Variants in ZYG11B observed in about 807,000 individuals in gnomAD.
The protein encoded by ZYG11B is zyg-11 family member B, cell cycle regulator, also known as protein zyg-11 homolog B.
A neutral mutation model predicts 82.4 loss-of-function variants in ZYG11B; 36 were observed. The observed-to-expected ratio is 0.44, with a 90% CI of 0.33 to 0.58. The LOEUF (loss-of-function observed/expected upper bound fraction) is 0.58, where lower values mean the gene tolerates loss of function less well. Among genes scored for constraint, ZYG11B ranks in the 20% least tolerant of loss-of-function variants. The pLI is 0.02. For synonymous variants in ZYG11B, 303 were observed against 312.8 expected (o/e 0.97, Z 0.33); for missense variants, 552 against 895.6 (o/e 0.62, Z 4.90).
At chr1:52,767,242 ATGT>A (rs1217060422) in intron 2 of ZYG11B, among the ~76,000 whole-genome samples, 8 of 147,222 alleles carry the variant, frequency 5.4e-5, no homozygotes, top group South Asian at 4.3e-4. Flanking sequence ...ATTTTATTTT[ATGT>A]TGTTATTTTA....
chr1:52,792,232 T>A (rs1019261003), intron 6 of ZYG11B, among the ~76,000 whole-genome samples: 9 of 152,116 alleles, frequency 5.9e-5, no homozygotes, highest in Non-Finnish European at 8.8e-5. Context: ...GATGGATGAA[T>A]GAATGAATGA....
At position 52,746,703 on chromosome 1, in the gene ZYG11B, T is replaced by G. The variant is rs1644480363; in HGVS notation, c.31-9755T>G. ...TCGGCCACTGTTTTTTTTTTTTTTT[T>G]TTTTTTTTTTTGCGGCTGGAATTGT... On this transcript the variant is annotated intron_variant, in intron 1 of 13. Transcript: ENST00000294353. Among the ~76,000 whole-genome samples the G allele has an allele frequency of 8.4e-5, 12 of 143,274 alleles. 2 individuals carry two copies. Among genetic ancestry groups the G allele is most frequent in the Admixed American group, 7.3e-4 (10 of 13,726 alleles). 94.0% of individuals were successfully genotyped at this position (143,274 alleles called of 152,430 possible).
At chr1:52,815,891 C>G (rs1027133921) in intron 12 of ZYG11B, among the ~76,000 whole-genome samples, 1 of 152,018 alleles carries the variant, frequency 6.6e-6, no homozygotes, top group African/African-American at 2.4e-5. Context: ...GCTGAGATCG[C>G]GCCACTGCAC....
chr1:52,740,556 T>C (rs886773221), intron 1 of ZYG11B, among the ~76,000 whole-genome samples: 1 of 150,362 alleles, frequency 6.7e-6, no homozygotes, highest in Non-Finnish European at 1.5e-5. Context: ...ATGCCCTTGG[T>C]ACTACCTTCT....
intron 10 of ZYG11B, among the ~76,000 whole-genome samples, chr1:52,807,402 A>G (rs1415728778): frequency 2.6e-5 from 4 of 151,904 alleles, no homozygotes; most frequent in Non-Finnish European, 5.9e-5. Context: ...TAGTGAGAGC[A>G]TTTAAAATTT....
intron 10 of ZYG11B, among the ~76,000 whole-genome samples, chr1:52,803,123 C>CACATATATATATATAT (rs1553262802): frequency 1.1e-4 from 6 of 53,652 alleles, no homozygotes; most frequent in Admixed American, 2.7e-4. Context: ...TATATACACA[C>CACATATATATATATAT]ATATATATAT....
chr1:52,755,062 G>A (rs1644561677), intron 1 of ZYG11B, among the ~76,000 whole-genome samples: 1 of 149,222 alleles, frequency 6.7e-6, no homozygotes, highest in African/African-American at 2.5e-5. Flanking sequence ...CTGTGTTCAC[G>A]CCATTCTCCT....
At chr1:52,731,910 C>T (rs187952816) in intron 1 of ZYG11B, among the ~76,000 whole-genome samples, 4 of 152,306 alleles carry the variant, frequency 2.6e-5, no homozygotes, top group African/African-American at 9.6e-5. Flanking sequence ...CCAAGCCATC[C>T]TCCCGCCTCA....
At chr1:52,764,565 A>T (rs1412773198) in intron 2 of ZYG11B, among the ~76,000 whole-genome samples, 1 of 152,140 alleles carries the variant, frequency 6.6e-6, no homozygotes, top group Non-Finnish European at 1.5e-5. Flanking sequence ...CCTCATCTGT[A>T]AAGTGTTGAT....
chr1:52,763,811 T>G (rs1351983488), intron 2 of ZYG11B, among the ~76,000 whole-genome samples: 1 of 152,210 alleles, frequency 6.6e-6, no homozygotes, highest in Non-Finnish European at 1.5e-5. Flanking sequence ...TGTCATACTG[T>G]CAATCTAATC....
At chr1:52,792,990 G>C (rs1324740139) in intron 6 of ZYG11B, among the ~76,000 whole-genome samples, 1 of 152,016 alleles carries the variant, frequency 6.6e-6, no homozygotes, top group South Asian at 2.1e-4. Context: ...ACAGATGTGC[G>C]CCGCTACGCA....
rs74227998 is a variant in ZYG11B at position 52,816,610 on chromosome 1, A to G, written c.2025A>G (p.Gln675=). Residue 675 remains glutamine, a synonymous_variant, in exon 13 of 14, where the codon CAA becomes CAG. Transcript: ENST00000294353. The part of the protein sequence containing the change: ...GVQLWAVWAM[Q]HVCSKNPSRY... ...AGCTATGGGCAGTTTGGGCCATGCAACATGTCTGCAGCAAGAATCGTATGT... is the reference window on the plus strand; with the variant it reads ...AGCTATGGGCAGTTTGGGCCATGCAGCATGTCTGCAGCAAGAATCGTATGT... The G allele has an allele frequency of 5.6e-5, 90 of 1,610,518 alleles. No individual in the cohort carries two copies. The highest frequency in any genetic ancestry group is 5.4e-4 in the East Asian group (24 of 44,838).
At chr1:52,816,780 CTTTTTTTTTTTT>C (rs71044423) in intron 13 of ZYG11B, 151 bp downstream of exon 13, 9 of 264,244 alleles carry the variant, frequency 3.4e-5, no homozygotes, top group South Asian at 2.3e-4. Context: ...TTAAGGTATT[CTTTTTTTTTTTT>C]TTTTTTTTTT....
intron 2 of ZYG11B, among the ~76,000 whole-genome samples, chr1:52,768,391 G>T (rs1571763316): frequency 6.6e-6 from 1 of 152,072 alleles, no homozygotes; most frequent in Non-Finnish European, 1.5e-5. Context: ...TCTAGCTCCA[G>T]CTCACCTTCA....
chr1:52,796,287 T>C lies in ZYG11B; in HGVS notation c.1335-5T>C. ...TAATTCATGAAACCCTTTTTGTGTT[T>C]TCAGGTTTGAAGCAGCCAAGCTTGT... On this transcript the variant is annotated splice_region_variant and splice_polypyrimidine_tract_variant and intron_variant, in intron 6 of 13. Coordinates refer to ENST00000294353, the MANE Select transcript of ZYG11B (RefSeq NM_024646.3). 2 of 1,612,768 alleles carry C rather than the reference T, an allele frequency of 1.2e-6. No individual in the cohort carries two copies. The highest frequency in any genetic ancestry group is 1.7e-6 in the Non-Finnish European group (2 of 1,178,958).
intron 2 of ZYG11B, among the ~76,000 whole-genome samples, chr1:52,767,182 C>T (rs1171653590): frequency 1.5e-5 from 2 of 130,788 alleles, no homozygotes; most frequent in South Asian, 2.4e-4. Context: ...TATTTTGTTA[C>T]GTTATGTTAT....
chr1:52,809,564 T>C (rs1007539577), intron 10 of ZYG11B, among the ~76,000 whole-genome samples: 3 of 152,210 alleles, frequency 2.0e-5, no homozygotes, highest in Non-Finnish European at 4.4e-5. Context: ...ATCATGATAA[T>C]TCTATTTTTA....
chr1:52,816,949 C>T (rs765055899), intron 13 of ZYG11B, among the ~76,000 whole-genome samples: 22 of 151,834 alleles, frequency 1.4e-4, no homozygotes, highest in African/African-American at 3.9e-4. Flanking sequence ...CCACCATGCC[C>T]GGCTAATTTT....
At chr1:52,763,027 C>T (rs1290700713) in intron 2 of ZYG11B, among the ~76,000 whole-genome samples, 1 of 151,502 alleles carries the variant, frequency 6.6e-6, no homozygotes, top group African/African-American at 2.4e-5. Context: ...TCCAGCCTTC[C>T]CAGCACCATT....
Sources: allele counts gnomAD v4.1 joint callset (sites outside exome capture counted in the v4.1 genomes callset), GRCh38; gene constraint gnomAD v4.1.1; transcripts MANE v1.5; gene names NCBI Gene and HGNC (gene_info 2026-07-23, HGNC 2026-07-21).